ABCC3: variants seen among roughly 807,000 people sequenced by gnomAD.
ABCC3 encodes the protein ATP binding cassette subfamily C member 3.
Under a neutral mutation model 165.3 loss-of-function variants are expected in ABCC3, and 121 were observed. The ratio of observed to expected loss-of-function variants is 0.73; its 90% CI spans 0.63 to 0.85. The LOEUF (loss-of-function observed/expected upper bound fraction) is 0.85, where lower values mean the gene tolerates loss of function less well. Ranked by LOEUF, ABCC3 falls within the 40% of genes least tolerant of loss-of-function variation. ABCC3 has a pLI of 0.00. For missense variants in ABCC3, 1,869 were observed against 1,964.1 expected (o/e 0.95, Z 0.92); for synonymous variants, 733 against 810.1 (o/e 0.90, Z 1.62).
Position 50,691,261 on chromosome 17 carries a change from C to A in ABCC3, c.*61C>A. On this transcript the variant is annotated 3_prime_UTR_variant, in exon 31 of 31. Transcript: ENST00000285238. The stretch of plus-strand genomic sequence containing the variant: ...GTTTTCATCAGGAAGGAAATGACAC[C>A]AAATATGTCCGCAGAATGGACTTGA... The A allele has an allele frequency of 1.5e-6, 2 of 1,317,812 alleles. No homozygotes were observed. The highest frequency in any genetic ancestry group is 2.2e-6 in the Non-Finnish European group (2 of 916,646). The allele number at this position is 1,317,812 out of a possible 1,614,324, so 81.6% of individuals were successfully genotyped here.
At chr17:50,651,461 G>A (rs894757014) in intron 1 of ABCC3, among the ~76,000 whole-genome samples, 8 of 152,180 alleles carry the variant, frequency 5.3e-5, no homozygotes, top group African/African-American at 1.9e-4. Flanking sequence ...GGTGGCTCAC[G>A]CCTGTAATCC....
At chr17:50,670,177 GGTTCAAGCAATTCTC>G (rs1259330358) in intron 17 of ABCC3, among the ~76,000 whole-genome samples, 1 of 152,008 alleles carries the variant, frequency 6.6e-6, no homozygotes, top group Non-Finnish European at 1.5e-5. Flanking sequence ...CCACCTCCCG[GGTTCAAGCAATTCTC>G]GTGTCTCAGC....
intron 1 of ABCC3, among the ~76,000 whole-genome samples, chr17:50,640,054 G>A (rs1382969418): frequency 6.6e-6 from 1 of 152,056 alleles, no homozygotes; most frequent in African/African-American, 2.4e-5. Flanking sequence ...GTGAGCCACC[G>A]CATTCAGCCA....
Position 50,676,886 on chromosome 17 carries a change from T to G in ABCC3, c.3378+298T>G, listed in dbSNP as rs145748829. 3.9e-3 allele frequency among the ~76,000 whole-genome samples: 443 copies of G among 113,620 alleles called. 3 individuals are homozygous for G. The highest frequency in any genetic ancestry group is 0.012 in the African/African-American group (416 of 35,936). The allele number at this position is 113,620 out of a possible 152,430, so 74.5% of individuals were successfully genotyped here. ...GACTTTCCTGTTGGCTTTTTTTTTT[T>G]GGGGGGGGGGGGACGGAATCTCGAG... is the stretch of plus-strand genomic sequence containing the variant. On this transcript the variant is annotated intron_variant, in intron 23 of 30. Transcript: ENST00000285238.
chr17:50,645,611 T>G (rs1329240989), intron 1 of ABCC3, among the ~76,000 whole-genome samples: 1 of 152,156 alleles, frequency 6.6e-6, no homozygotes, highest in Non-Finnish European at 1.5e-5. Flanking sequence ...TGTGTATTTT[T>G]TTTTTAAGAG....
At chr17:50,668,816 GC>G in intron 14 of ABCC3, 36 bp from the exon 15 acceptor site, 1 of 1,593,782 alleles carries the variant, frequency 6.3e-7, no homozygotes, top group Non-Finnish European at 8.6e-7. Flanking sequence ...CATCCCTTGA[GC>G]TCCCTCCCTG....
intron 1 of ABCC3, among the ~76,000 whole-genome samples, chr17:50,648,962 A>C (rs1053149458): frequency 6.6e-6 from 1 of 152,042 alleles, no homozygotes; most frequent in Non-Finnish European, 1.5e-5. Flanking sequence ...AAATACAAAA[A>C]TTAGCTGGGC....
In ABCC3 at chr17:50,655,417, A is replaced by AAAAC. The variant is rs1555586175; in HGVS notation, c.46-412_46-411insCAAA. On this transcript the variant is annotated intron_variant, in intron 1 of 30. Transcript: ENST00000285238. ...GAGACTCTGTCTCAAAAAAAAAAAA[A>AAAAC]AAAACAAAAACAAAAAAAAAAGAGT... is the stretch of plus-strand genomic sequence containing the variant. Among the ~76,000 whole-genome samples the AAAAC allele has an allele frequency of 1.5e-3, 219 of 148,348 alleles. 12 individuals are homozygous for AAAAC. The East Asian group carries it at 0.027, about 18-fold the overall frequency.
intron 29 of ABCC3, among the ~76,000 whole-genome samples, chr17:50,685,291 C>T (rs564590304): frequency 3.7e-4 from 57 of 152,312 alleles, no homozygotes; most frequent in African/African-American, 1.3e-3. Flanking sequence ...GGCCAGTAGT[C>T]ACCTCTTACT....
rs755377281 is a variant in ABCC3, at chr17:50,669,343, T to A, written c.2065-9T>A. ...GGCAAGCCCCGAGGTAAATTTCTCC[T>A]GTGGCCAGGGCTCCGTGGCCTATGT... is the stretch of plus-strand genomic sequence containing the variant. On this transcript the variant is annotated splice_polypyrimidine_tract_variant and intron_variant, in intron 16 of 30. Transcript: ENST00000285238. The A allele has an allele frequency of 6.2e-7, 1 of 1,614,210 alleles. No homozygotes were observed. The highest frequency in any genetic ancestry group is 8.5e-7 in the Non-Finnish European group (1 of 1,180,020).
intron 1 of ABCC3, among the ~76,000 whole-genome samples, chr17:50,645,922 T>C (rs1226101889): frequency 6.6e-6 from 1 of 152,248 alleles, no homozygotes; most frequent in African/African-American, 2.4e-5. Flanking sequence ...AAATCTTTTT[T>C]CTGAGCACCT....
intron 17 of ABCC3, among the ~76,000 whole-genome samples, chr17:50,672,061 C>T (rs139912502): frequency 8.9e-4 from 136 of 152,194 alleles, no homozygotes; most frequent in Middle Eastern, 6.8e-3. Context: ...ACCGGTCCCA[C>T]TCCCCCAGTA....
chr17:50,659,165 C>T (rs532731810), intron 6 of ABCC3, 72 bp from the exon 7 acceptor site: 23 of 1,575,666 alleles, frequency 1.5e-5, no homozygotes, highest in Middle Eastern at 3.9e-4. Context: ...CCTGGAGACA[C>T]TGACCCTTGG....
Position 50,662,657 on chromosome 17 carries a change from A to AG in ABCC3, c.999-1024_999-1023insG, listed in dbSNP as rs1555589787. Among the ~76,000 whole-genome samples, 252 of 147,690 alleles carry AG rather than the reference A, an allele frequency of 1.7e-3. 3 individuals carry two copies. In the South Asian group the frequency reaches 0.026, roughly 15 times the overall value. ...TGTCTCAAAAAAAAAAAAAAAAAAA[A>AG]AGAGAGAGAGAGACACCAGTCACTG... On this transcript the variant is annotated intron_variant, in intron 8 of 30. Coordinates refer to ENST00000285238, the MANE Select transcript of ABCC3 (RefSeq NM_003786.4).
At chr17:50,664,702 CAAAAAAAAAAAAAAA>C (rs58513664) in intron 10 of ABCC3, 1 of 47,556 alleles carries the variant, frequency 2.1e-5, no homozygotes, top group Non-Finnish European at 4.3e-5. Context: ...GACTCTGTCT[CAAAAAAAAAAAAAAA>C]AAAAAAAAAA....
Position 50,677,773 on chromosome 17 carries a change from G to A in ABCC3, c.3408G>A (p.Leu1136=). The A allele has an allele frequency of 6.2e-7, 1 of 1,614,094 alleles. No homozygotes were observed. Among genetic ancestry groups the A allele is most frequent in the South Asian group, 1.1e-5 (1 of 91,076 alleles). The change falls in exon 24 of 31, where the codon CTG becomes CTA. Residue 1136 remains leucine, a synonymous_variant. Transcript: ENST00000285238. ...QRFYAATSRQ[L]KRLESVSRSP... The stretch of plus-strand genomic sequence containing the variant: ...TCTATGCAGCCACATCACGGCAACT[G>A]AAGCGGCTGGAATCAGTCAGCCGCT...
At position 50,687,861 on chromosome 17, in the gene ABCC3, A is replaced by G. The variant is rs543065723; in HGVS notation, c.4475+131A>G. The G allele has an allele frequency of 4.4e-5, 44 of 992,304 alleles. No individual in the cohort carries two copies. In the Middle Eastern group the frequency reaches 6.5e-4, roughly 15 times the overall value. The allele number at this position is 992,304 out of a possible 1,614,324, so 61.5% of individuals were successfully genotyped here. A position where few individuals can be genotyped will look rare whatever the true frequency, so the allele number is the denominator to read the frequency against. ...ATTGCTAGGGCATGGCAGGCAGAGC[A>G]GAGTTTCCCAAGATCTGGATAAGGG... On this transcript the variant is annotated intron_variant, in intron 30 of 30. Transcript: ENST00000285238.
At position 50,658,508 on chromosome 17, in the gene ABCC3, C is replaced by G; in HGVS notation, c.674+12C>G. 1 of 1,611,804 alleles carries G rather than the reference C, an allele frequency of 6.2e-7. No individual in the cohort carries two copies. Among genetic ancestry groups the G allele is most frequent in the Non-Finnish European group, 8.5e-7 (1 of 1,177,860 alleles). ...TGGTGGTTCACAAAGTGAGTTGGCT[C>G]TTCCACCAGCCAGGCCAGAGGGAGG... On this transcript the variant is annotated intron_variant, in intron 6 of 30. Coordinates refer to ENST00000285238, the MANE Select transcript of ABCC3 (RefSeq NM_003786.4).
At chr17:50,666,941 C>A (rs1967537870) in intron 11 of ABCC3, among the ~76,000 whole-genome samples, 1 of 151,598 alleles carries the variant, frequency 6.6e-6, no homozygotes, top group Non-Finnish European at 1.5e-5. Context: ...GGAAGGGGAC[C>A]AGGTGTGGTG....
Sources: allele counts gnomAD v4.1 joint callset (sites outside exome capture counted in the v4.1 genomes callset), GRCh38; gene constraint gnomAD v4.1.1; transcripts MANE v1.5; gene names NCBI Gene and HGNC (gene_info 2026-07-23, HGNC 2026-07-21).